CNIH3: variants seen among roughly 807,000 people sequenced by gnomAD.
CNIH3 encodes the protein protein cornichon homolog 3.
CNIH3 carries 14 observed loss-of-function variants against 24.1 expected under a neutral mutation model. The ratio of observed to expected loss-of-function variants is 0.58; its 90% confidence interval spans 0.38 to 0.91. The LOEUF is 0.91. CNIH3 is among the 40% of genes least tolerant of loss of function. The pLI is 0.00. For synonymous variants in CNIH3, 68 were observed against 73.8 expected, an observed-to-expected ratio of 0.92 and a Z score of 0.40; for missense variants, 178 against 196.8, an observed-to-expected ratio of 0.90 and a Z score of 0.57.
chr1:224,447,296 G>T (rs1483148775), intron 1 of CNIH3, among the ~76,000 whole-genome samples: 1 of 152,232 alleles, frequency 6.6e-6, no homozygotes, highest in Non-Finnish European at 1.5e-5. Flanking sequence ...GGCTGCTGGT[G>T]TAAGTCCTGG....
rs186671818 is a variant in CNIH3 at position 224,634,637 on chromosome 1, C to T, written c.81+17382C>T. 2.0e-3 allele frequency among the ~76,000 whole-genome samples: 310 copies of T among 152,008 alleles called. 1 individual carries two copies. Among genetic ancestry groups the T allele is most frequent in the African/African-American group, 6.9e-3 (288 of 41,452 alleles). On this transcript the variant is annotated intron_variant, in intron 1 of 5. Coordinates refer to ENST00000272133, the MANE Select transcript of CNIH3 (RefSeq NM_152495.2). The stretch of plus-strand genomic sequence containing the variant: ...TGGTGTCTCCCAGTCAGTGCAGGCC[C>T]AAATTCTAGAGGATAAATGGTAAAG...
At chr1:224,593,787 G>A (rs1681863085) in intron 3 of CNIH3, among the ~76,000 whole-genome samples, 1 of 152,214 alleles carries the variant, frequency 6.6e-6, no homozygotes, top group Non-Finnish European at 1.5e-5. Flanking sequence ...CCAGAGCCTT[G>A]TGCTGGGTGC....
At chr1:224,464,431 A>G (rs1250008052) in intron 1 of CNIH3, among the ~76,000 whole-genome samples, 1 of 152,066 alleles carries the variant, frequency 6.6e-6, no homozygotes, top group Non-Finnish European at 1.5e-5. Context: ...GCACCCAGCT[A>G]GTTAGTTTAA....
intron 2 of CNIH3, among the ~76,000 whole-genome samples, chr1:224,528,098 A>G (rs891488518): frequency 6.6e-6 from 1 of 151,924 alleles, no homozygotes; most frequent in African/African-American, 2.4e-5. Context: ...CCCCATCTCT[A>G]TAAAAAATAC....
At chr1:224,459,706 A>G (rs1050587966) in intron 1 of CNIH3, among the ~76,000 whole-genome samples, 6 of 152,086 alleles carry the variant, frequency 3.9e-5, no homozygotes, top group Non-Finnish European at 8.8e-5. Flanking sequence ...TGGAGGGCCC[A>G]GAAGTATCAG....
chr1:224,604,847 G>A lies in CNIH3; in HGVS notation n.402+38583G>A, dbSNP rs1221160450. 6.6e-6 allele frequency among the ~76,000 whole-genome samples: 1 copy of A among 152,196 alleles called. No homozygotes were observed. The highest frequency in any genetic ancestry group is 2.4e-5 in the African/African-American group (1 of 41,452). On this transcript the variant is annotated intron_variant and non_coding_transcript_variant, in intron 3 of 7. Transcript: ENST00000478120. The surrounding 1 kb of genome is among the most constrained non-coding windows in gnomAD (Gnocchi z 4.4). ...CCTGTACTGTGCCCAGGAAGAATGA[G>A]GATACACTGGACATTGAACAGTGAG... is the stretch of plus-strand genomic sequence containing the variant.
intron 3 of CNIH3, among the ~76,000 whole-genome samples, chr1:224,564,528 T>G (rs1323379358): frequency 6.6e-6 from 1 of 152,232 alleles, no homozygotes; most frequent in African/African-American, 2.4e-5. Context: ...CCCAGCATTT[T>G]TATCAGGTCA....
At chr1:224,550,101 T>C (rs544818413) in intron 3 of CNIH3, among the ~76,000 whole-genome samples, 1 of 152,194 alleles carries the variant, frequency 6.6e-6, no homozygotes, top group East Asian at 1.9e-4. Context: ...GTAGATATTA[T>C]AGAAATATCA....
intron 3 of CNIH3, among the ~76,000 whole-genome samples, chr1:224,728,783 T>A (rs1337008310): frequency 6.6e-6 from 1 of 152,230 alleles, no homozygotes. Flanking sequence ...ACAGGCTGCA[T>A]ATCTAATGCC....
intron 1 of CNIH3, among the ~76,000 whole-genome samples, chr1:224,473,401 A>T (rs558965631): frequency 6.6e-6 from 1 of 152,328 alleles, no homozygotes; most frequent in South Asian, 2.1e-4. Flanking sequence ...TGGATTAAAA[A>T]CAAAACAAAA....
chr1:224,546,969 G>A, intron 3 of CNIH3: 1 of 928,524 alleles, frequency 1.1e-6, no homozygotes. Context: ...CTCAACCACT[G>A]AATTAGGACT....
At chr1:224,475,742 A>G (rs747298517) in intron 1 of CNIH3, among the ~76,000 whole-genome samples, 16 of 152,208 alleles carry the variant, frequency 1.1e-4, no homozygotes, top group Non-Finnish European at 2.1e-4. Flanking sequence ...CTTGTAAACT[A>G]TGCACTATGA....
chr1:224,701,513 A>G (rs1325896359), intron 3 of CNIH3, among the ~76,000 whole-genome samples: 2 of 152,128 alleles, frequency 1.3e-5, no homozygotes, highest in Admixed American at 1.3e-4. Context: ...TCATGTTGTC[A>G]TCTAATCCTA....
intron 1 of CNIH3, among the ~76,000 whole-genome samples, chr1:224,618,477 C>G (rs769462156): frequency 1.2e-4 from 19 of 152,164 alleles, no homozygotes; most frequent in South Asian, 2.1e-4. Flanking sequence ...CCCTTGTTTT[C>G]TATAAGTGGT....
chr1:224,547,041 T>G (rs1679729962), intron 3 of CNIH3: 1 of 243,548 alleles, frequency 4.1e-6, no homozygotes, highest in Non-Finnish European at 6.6e-6. Flanking sequence ...CCCACCTGTG[T>G]GCATACACGC....
At chr1:224,462,436 C>A (rs973479953) in intron 1 of CNIH3, among the ~76,000 whole-genome samples, 1 of 152,114 alleles carries the variant, frequency 6.6e-6, no homozygotes, top group African/African-American at 2.4e-5. Context: ...CATGCTCAAG[C>A]GACTCTCCTG....
chr1:224,701,143 G>T (rs963481761), intron 3 of CNIH3, among the ~76,000 whole-genome samples: 3 of 151,808 alleles, frequency 2.0e-5, no homozygotes, highest in African/African-American at 7.3e-5. Context: ...CTTCTGGAGA[G>T]GCCACTAGGG....
At chr1:224,563,249 A>G (rs553776175) in intron 3 of CNIH3, among the ~76,000 whole-genome samples, 1 of 152,340 alleles carries the variant, frequency 6.6e-6, no homozygotes, top group South Asian at 2.1e-4. Context: ...ACCCAGTCTC[A>G]GGTATTCCTT....
chr1:224,702,932 T>G (rs1284686473), intron 3 of CNIH3, among the ~76,000 whole-genome samples: 3 of 152,190 alleles, frequency 2.0e-5, no homozygotes, highest in Non-Finnish European at 4.4e-5. Context: ...ACCTTTACTG[T>G]CCTGGGCCTG....
Sources: allele counts gnomAD v4.1 joint callset (sites outside exome capture counted in the v4.1 genomes callset), GRCh38; gene constraint gnomAD v4.1.1; non-coding constraint Gnocchi (gnomAD v3.1); transcripts MANE v1.5; gene names NCBI Gene and HGNC (gene_info 2026-07-23, HGNC 2026-07-21).